Variants in MRAP observed in about 807,000 individuals in gnomAD.
MRAP encodes melanocortin-2 receptor accessory protein.
MRAP carries 8 observed loss-of-function variants against 8.7 expected under a neutral mutation model. The ratio of observed to expected loss-of-function variants is 0.92; its 90% confidence interval spans 0.54 to 1.66. The LOEUF (loss-of-function observed/expected upper bound fraction) is 1.66, where lower values mean the gene tolerates loss of function less well. MRAP is among the 40% of genes most tolerant of loss of function. The probability of loss-of-function intolerance (pLI) is 0.00; values close to 1 mark genes in which losing one functional copy is unlikely to be tolerated. For missense variants in MRAP, 237 were observed against 217.1 expected, an observed-to-expected ratio of 1.09 and a Z score of -0.58; for synonymous variants, 95 against 95.5, an observed-to-expected ratio of 1.00 and a Z score of 0.03.
At chr21:32,307,239 G>A (rs1252594872) in intron 2 of MRAP, among the ~76,000 whole-genome samples, 1 of 152,096 alleles carries the variant, frequency 6.6e-6, no homozygotes, top group Non-Finnish European at 1.5e-5. Context: ...GCGGGGAAGG[G>A]GGAATGACTA....
chr21:32,295,751 G>A (rs1325338407), upstream of MRAP, among the ~76,000 whole-genome samples: 2 of 152,086 alleles, frequency 1.3e-5, no homozygotes, highest in Non-Finnish European at 2.9e-5. Context: ...CGAGGCAGGC[G>A]GATCTCCTGA....
rs1376195731 is a variant in MRAP, at chr21:32,311,961, C to T, written c.484C>T (p.Pro162Ser). 2 of 1,613,490 alleles carry T rather than the reference C, an allele frequency of 1.2e-6. No individual in the cohort carries two copies. Among genetic ancestry groups the T allele is most frequent in the Non-Finnish European group, 1.7e-6 (2 of 1,180,042 alleles). The change falls in exon 3 of 3, where the codon CCC (proline) becomes TCC (serine). Residue 162 changes from proline (P) to serine (S), a missense_variant. Physicochemically the swap from Pro to Ser is moderately conservative, Grantham distance 74. Transcript: ENST00000303645. Reference protein sequence around the residue: ...PLVRSKPSEPPPGDRTSQLQS With the variant: ...PLVRSKPSEPSPGDRTSQLQS ...CGTCAGGAGCAAGCCCAGCGAGCCT[C>T]CCCCTGGAGACAGGACCTCTCAATT...
upstream of MRAP, among the ~76,000 whole-genome samples, chr21:32,295,026 G>A (rs1215549936): frequency 6.6e-6 from 1 of 151,348 alleles, no homozygotes; most frequent in Non-Finnish European, 1.5e-5. Context: ...GTTGAATATA[G>A]TATTCTATCC....
chr21:32,313,815 A>G (rs2032633376), downstream of MRAP: 1 of 152,234 alleles, frequency 6.6e-6, no homozygotes, highest in African/African-American at 2.4e-5. Flanking sequence ...GAAAACCACG[A>G]AATTTCATGA....
chr21:32,299,652 A>G lies in MRAP; in HGVS notation c.106+575A>G, dbSNP rs537141420. On this transcript the variant is annotated intron_variant, in intron 1 of 2. Transcript: ENST00000303645. ...GGCGAGAATATTCTTTTAAAGATAG[A>G]TTTCTTGTTTAATTTGTTTGGGGCT... 2.0e-5 allele frequency among the ~76,000 whole-genome samples: 3 copies of G among 152,234 alleles called. No individual in the cohort carries two copies. The South Asian group carries it at 6.2e-4, about 32-fold the overall frequency.
upstream of MRAP, among the ~76,000 whole-genome samples, chr21:32,294,467 C>G (rs1368676241): frequency 6.6e-6 from 1 of 152,136 alleles, no homozygotes; most frequent in Non-Finnish European, 1.5e-5. Context: ...ACTTGGAGCA[C>G]TTTTTGATGT....
intron 1 of MRAP, among the ~76,000 whole-genome samples, chr21:32,305,021 G>A (rs2032381099): frequency 7.5e-6 from 1 of 133,626 alleles, no homozygotes; most frequent in Non-Finnish European, 1.5e-5. Context: ...GGCCCAGGCT[G>A]GAGCACACTG....
chr21:32,311,426 C>T, intron 2 of MRAP: 2 of 178,976 alleles, frequency 1.1e-5, no homozygotes, highest in Non-Finnish European at 2.3e-5. Context: ...CCCCCCCCAT[C>T]CTAAATCAAT....
chr21:32,310,869 T>A (rs570148336), intron 2 of MRAP: 2 of 152,242 alleles, frequency 1.3e-5, no homozygotes, highest in African/African-American at 4.8e-5. Flanking sequence ...ATTGTCTCGA[T>A]CTCCTGACCT....
chr21:32,310,128 A>G (rs2032522498), intron 2 of MRAP, among the ~76,000 whole-genome samples: 1 of 152,200 alleles, frequency 6.6e-6, no homozygotes, highest in African/African-American at 2.4e-5. Flanking sequence ...GGCTGCCTCC[A>G]CCACGCCCAG....
upstream of MRAP, among the ~76,000 whole-genome samples, chr21:32,298,310 G>A (rs115914088): frequency 1.7e-3 from 264 of 152,198 alleles, no homozygotes; most frequent in African/African-American, 5.6e-3. Context: ...AAATGCAGCC[G>A]GCTGGTTGGT....
Position 32,311,848 on chromosome 21 carries a change from G to A in MRAP, c.371G>A (p.Arg124Gln), listed in dbSNP as rs1009755163. 6 of 1,614,012 alleles carry A rather than the reference G, an allele frequency of 3.7e-6. No homozygotes were observed. Among genetic ancestry groups the A allele is most frequent in the East Asian group, 2.2e-5 (1 of 44,882 alleles). The change falls in exon 3 of 3, where the codon CGA becomes CAA. Residue 124 changes from arginine (R) to glutamine (Q), a missense_variant. By Grantham distance (43) the Arg-to-Gln change is conservative (BLOSUM62 1). Coordinates refer to ENST00000303645, the MANE Select transcript of MRAP (RefSeq NM_001379228.1). Reference protein sequence around the residue: ...GSRTGPDQPLRQESSSTLPLG... With the variant: ...GSRTGPDQPLQQESSSTLPLG... ...AGAACTGGCCCTGACCAGCCGCTAC[G>A]ACAGGAGAGCTCCTCCACCTTGCCC... is the stretch of plus-strand genomic sequence containing the variant.
intron 2 of MRAP, among the ~76,000 whole-genome samples, chr21:32,308,950 T>C (rs1037531001): frequency 1.3e-5 from 2 of 152,060 alleles, no homozygotes; most frequent in Non-Finnish European, 2.9e-5. Flanking sequence ...CTGAGTGGCC[T>C]TGGAGCCCCT....
At chr21:32,300,684 G>A (rs368501941) in intron 1 of MRAP, among the ~76,000 whole-genome samples, 4 of 143,776 alleles carry the variant, frequency 2.8e-5, no homozygotes, top group Admixed American at 6.8e-5. Context: ...GATGTGTCAC[G>A]CGTCCTATGT....
chr21:32,306,543 GCCCT>G (rs2032421165), intron 1 of MRAP, 93 bp from the exon 2 acceptor site: 1 of 936,958 alleles, frequency 1.1e-6, no homozygotes, highest in African/African-American at 1.6e-5. Flanking sequence ...GAAACTCAGG[GCCCT>G]CATTCCACAA....
At chr21:32,309,545 A>G (rs1485319679) in intron 2 of MRAP, among the ~76,000 whole-genome samples, 1 of 150,402 alleles carries the variant, frequency 6.6e-6, no homozygotes, top group Non-Finnish European at 1.5e-5. Flanking sequence ...TCCACCTCCC[A>G]AGTTCAAGCT....
chr21:32,312,517 C>T (rs1042528339), downstream of MRAP: 75 of 192,098 alleles, frequency 3.9e-4, no homozygotes, highest in African/African-American at 1.7e-3. Context: ...TCCCCACAGC[C>T]TTTCAAAGAC....
chr21:32,299,593 A>T (rs779174633), intron 1 of MRAP, among the ~76,000 whole-genome samples: 2 of 152,166 alleles, frequency 1.3e-5, no homozygotes, highest in Non-Finnish European at 2.9e-5. Context: ...GGCTTCCCAA[A>T]GTGCTGGGAT....
At chr21:32,306,872 A>C (rs1005647995) in intron 2 of MRAP, 133 bp downstream of exon 2, 1 of 770,162 alleles carries the variant, frequency 1.3e-6, no homozygotes, top group African/African-American at 1.7e-5. Flanking sequence ...AAATATTTGC[A>C]TTGTACCTAC....
Sources: gnomAD v4.1 joint callset for allele counts (sites outside exome capture counted in the v4.1 genomes callset) on GRCh38, gnomAD v4.1.1 for gene constraint, MANE v1.5 for transcripts, NCBI Gene and HGNC (gene_info 2026-07-23, HGNC 2026-07-21) for gene names.